Variants in ZNF385D observed in about 807,000 individuals in gnomAD.
ZNF385D encodes zinc finger protein 385D, also known as zinc finger protein 659.
ZNF385D carries 15 observed loss-of-function variants against 35.8 expected under a neutral mutation model. The observed-to-expected ratio is 0.42, with a 90% CI of 0.28 to 0.64. The LOEUF (loss-of-function observed/expected upper bound fraction) is 0.64, where lower values mean the gene tolerates loss of function less well. Among genes scored for constraint, ZNF385D ranks in the 30% least tolerant of loss-of-function variants. The probability of loss-of-function intolerance (pLI) is 0.23; values close to 1 mark genes in which losing one functional copy is unlikely to be tolerated. For synonymous variants in ZNF385D, 212 were observed against 186.8 expected (o/e 1.13, Z -1.10); for missense variants, 474 against 494.6 (o/e 0.96, Z 0.39).
chr3:22,296,776 C>A (rs867061835), intron 2 of ZNF385D, among the ~76,000 whole-genome samples: 1 of 152,110 alleles, frequency 6.6e-6, no homozygotes, highest in Non-Finnish European at 1.5e-5. Flanking sequence ...TTCCCCACAG[C>A]ATAGTGTCTG....
At chr3:21,608,821 C>T (rs1373853672) in intron 2 of ZNF385D, among the ~76,000 whole-genome samples, 1 of 152,136 alleles carries the variant, frequency 6.6e-6, no homozygotes, top group East Asian at 1.9e-4. Flanking sequence ...CTGTCACAGT[C>T]ATTAGTATTA....
chr3:22,071,581 T>C (rs1700230361), intron 3 of ZNF385D, among the ~76,000 whole-genome samples: 1 of 152,200 alleles, frequency 6.6e-6, no homozygotes, highest in African/African-American at 2.4e-5. Context: ...GCTCCTCACT[T>C]TCCCTGTAAT....
intron 3 of ZNF385D, among the ~76,000 whole-genome samples, chr3:21,860,844 T>C (rs1398696648): frequency 6.6e-6 from 1 of 152,092 alleles, no homozygotes; most frequent in African/African-American, 2.4e-5. Flanking sequence ...AGTCTCTACT[T>C]GGAGATTCCT....
chr3:21,841,446 G>T (rs1395933243), intron 3 of ZNF385D, among the ~76,000 whole-genome samples: 2 of 150,406 alleles, frequency 1.3e-5, no homozygotes, highest in Non-Finnish European at 3.0e-5. Flanking sequence ...TTTAAAAAAA[G>T]TCAGACTACT....
intron 4 of ZNF385D, among the ~76,000 whole-genome samples, chr3:21,506,023 C>A (rs770343236): frequency 6.6e-6 from 1 of 152,146 alleles, no homozygotes; most frequent in Non-Finnish European, 1.5e-5. Flanking sequence ...ACCCTGCAGG[C>A]TGTAACTATA....
chr3:22,065,132 C>A (rs548684322), intron 3 of ZNF385D, among the ~76,000 whole-genome samples: 2 of 152,126 alleles, frequency 1.3e-5, no homozygotes, highest in Admixed American at 1.3e-4. Flanking sequence ...TAACTTAATA[C>A]AGAAGATGAA....
At chr3:22,184,588 G>C (rs149770278) in intron 2 of ZNF385D, among the ~76,000 whole-genome samples, 1 of 152,246 alleles carries the variant, frequency 6.6e-6, no homozygotes, top group East Asian at 1.9e-4. Context: ...CACTTTGGGA[G>C]GCCGAAGAGG....
rs373769931 is a variant in ZNF385D, at chr3:22,235,477, C to A, written c.107-66442G>T. 3.5e-4 allele frequency among the ~76,000 whole-genome samples: 54 copies of A among 152,116 alleles called. 2 individuals carry two copies. Among genetic ancestry groups the A allele is most frequent in the South Asian group, 4.2e-4 (2 of 4,814 alleles). The stretch of plus-strand genomic sequence containing the variant: ...ATCAATAGAACTAAAATATTAGAAT[C>A]TTCAGTGTGTCCAAAATACCCAAAA... On this transcript the variant is annotated intron_variant, in intron 2 of 5. Transcript: ENST00000494108.
intron 2 of ZNF385D, among the ~76,000 whole-genome samples, chr3:22,336,752 T>G (rs1189185606): frequency 6.6e-6 from 1 of 151,632 alleles, no homozygotes; most frequent in Non-Finnish European, 1.5e-5. Context: ...TTATACCAAA[T>G]TTTTGCATAA....
chr3:21,770,731 A>T (rs1316863087), intron 3 of ZNF385D, among the ~76,000 whole-genome samples: 1 of 152,176 alleles, frequency 6.6e-6, no homozygotes, highest in Non-Finnish European at 1.5e-5. Context: ...CAGCCATCCC[A>T]TTACTGGGTA....
At chr3:21,744,018 C>G (rs1398105568) in intron 1 of ZNF385D, among the ~76,000 whole-genome samples, 1 of 152,206 alleles carries the variant, frequency 6.6e-6, no homozygotes, top group East Asian at 1.9e-4. Context: ...AATAATCTTC[C>G]ATTCATAAAA....
intron 2 of ZNF385D, among the ~76,000 whole-genome samples, chr3:21,580,488 TG>T (rs1321458887): frequency 6.6e-6 from 1 of 152,186 alleles, no homozygotes; most frequent in Non-Finnish European, 1.5e-5. Context: ...CAGTTTTCAT[TG>T]TTTGGTTGAT....
At chr3:21,936,633 G>A (rs1002506482) in intron 3 of ZNF385D, among the ~76,000 whole-genome samples, 5 of 151,892 alleles carry the variant, frequency 3.3e-5, no homozygotes, top group African/African-American at 1.2e-4. Flanking sequence ...AACTTTAAGT[G>A]AAGACATAAA....
intron 3 of ZNF385D, among the ~76,000 whole-genome samples, chr3:22,136,991 A>T (rs1704166646): frequency 6.6e-6 from 1 of 152,202 alleles, no homozygotes; most frequent in African/African-American, 2.4e-5. Context: ...CTATATGATC[A>T]TGTAGTGGTG....
At chr3:21,916,881 G>A (rs544669716) in intron 3 of ZNF385D, among the ~76,000 whole-genome samples, 5 of 152,094 alleles carry the variant, frequency 3.3e-5, no homozygotes, top group African/African-American at 4.8e-5. Context: ...TAACATTGAC[G>A]AATTACCCTA....
intron 4 of ZNF385D, among the ~76,000 whole-genome samples, chr3:21,469,576 C>T (rs1427134908): frequency 2.6e-5 from 4 of 151,966 alleles, no homozygotes; most frequent in Non-Finnish European, 5.9e-5. Context: ...CAAAAGAATA[C>T]ATTTAGGTTT....
At chr3:21,804,965 G>T (rs1053804384) in intron 3 of ZNF385D, among the ~76,000 whole-genome samples, 2 of 152,136 alleles carry the variant, frequency 1.3e-5, no homozygotes, top group Admixed American at 1.3e-4. Flanking sequence ...AAATATCCTT[G>T]CCCTGGGCAG....
intron 3 of ZNF385D, among the ~76,000 whole-genome samples, chr3:21,892,846 A>G (rs1698942453): frequency 6.6e-6 from 1 of 152,166 alleles, no homozygotes; most frequent in Admixed American, 6.6e-5. Flanking sequence ...TGTGGATTGT[A>G]AAGTCCACTT....
chr3:21,822,589 T>C (rs1694330865), intron 3 of ZNF385D, among the ~76,000 whole-genome samples: 1 of 146,722 alleles, frequency 6.8e-6, no homozygotes, highest in African/African-American at 2.5e-5. Flanking sequence ...ATATACTACA[T>C]AGAAACTTCT....
Sources: gnomAD v4.1 joint callset for allele counts (sites outside exome capture counted in the v4.1 genomes callset) on GRCh38, gnomAD v4.1.1 for gene constraint, MANE v1.5 for transcripts, NCBI Gene and HGNC (gene_info 2026-07-23, HGNC 2026-07-21) for gene names.